Variants in HORMAD1 observed in about 807,000 individuals in gnomAD.
The protein encoded by HORMAD1 is HORMA domain containing 1, also known as HORMA domain-containing protein 1.
In HORMAD1, 33 loss-of-function variants were observed where a neutral mutation model predicts 58.2. That is an observed-to-expected ratio of 0.57 (90% CI 0.43 to 0.76). The LOEUF (loss-of-function observed/expected upper bound fraction) is 0.76, where lower values mean the gene tolerates loss of function less well. Ranked by LOEUF, HORMAD1 falls within the 30% of genes least tolerant of loss-of-function variation. HORMAD1 has a pLI of 0.00. For missense variants in HORMAD1, 363 were observed against 462.0 expected (o/e 0.79, Z 1.96); for synonymous variants, 137 against 144.6 (o/e 0.95, Z 0.38).
At position 150,703,334 on chromosome 1, in the gene HORMAD1, ACTT is replaced by A. The variant is rs751516515; in HGVS notation, c.1005_1007del (p.Arg335del). On this transcript the variant is annotated inframe_deletion, in exon 13 of 15. Coordinates refer to ENST00000361824, the MANE Select transcript of HORMAD1 (RefSeq NM_032132.5). ...CCATTTTATTCTGAAAGACTTTTCC[ACTT>A]CTTGTTTTGCTTTCAGACATATCAA... 1.9e-5 allele frequency: 30 copies of A among 1,576,116 alleles called. No homozygotes were observed. Among genetic ancestry groups the A allele is most frequent in the Non-Finnish European group, 2.1e-5 (24 of 1,152,614 alleles).
At chr1:150,703,935 A>G (rs964151900) in intron 12 of HORMAD1, among the ~76,000 whole-genome samples, 183 bp downstream of exon 12, 1 of 152,204 alleles carries the variant, frequency 6.6e-6, no homozygotes, top group African/African-American at 2.4e-5. Context: ...AAACAAATCC[A>G]CCAGTAATAT....
chr1:150,701,743 G>C (rs1651543855), intron 13 of HORMAD1: 2 of 152,006 alleles, frequency 1.3e-5, no homozygotes, highest in African/African-American at 2.4e-5. Flanking sequence ...CATACCAAAA[G>C]CTAAAATAAA....
chr1:150,714,751 T>C (rs1652018263), intron 3 of HORMAD1, 73 bp from the exon 4 acceptor site: 1 of 660,792 alleles, frequency 1.5e-6, no homozygotes, highest in Non-Finnish European at 2.5e-6. Flanking sequence ...ATGAAGTTTA[T>C]TTTCTTCTGC....
intron 3 of HORMAD1, among the ~76,000 whole-genome samples, chr1:150,715,419 T>A (rs901040608): frequency 1.3e-5 from 2 of 152,182 alleles, no homozygotes; most frequent in African/African-American, 2.4e-5. Context: ...TATCCTCAGG[T>A]ACCTTAATTG....
At chr1:150,715,563 T>C (rs113061035) in intron 3 of HORMAD1, among the ~76,000 whole-genome samples, 10 of 152,302 alleles carry the variant, frequency 6.6e-5, no homozygotes, top group South Asian at 4.1e-4. Flanking sequence ...TAAGTTATTA[T>C]TGTAGTATAA....
rs1652109049 is a variant in HORMAD1, at chr1:150,717,255, A to G, written c.61T>C (p.Ser21Pro). The part of the protein sequence containing the change: ...MSALVFPNKI[S>P]TEHQSLVLVK... ...AACACCAAAGACTGGTGTTCAGTTG[A>G]TATCTTATTGGGAAATACCAGTGCA... Residue 21 changes from serine to proline, a missense_variant, in exon 3 of 15, where the codon TCA becomes CCA. Physicochemically the swap from Ser to Pro is moderately conservative, Grantham distance 74 (BLOSUM62 -1). Around this residue, in one of 3 missense-constraint regions of HORMAD1, gnomAD observed 128 missense variants for 171.8 expected, o/e 0.74. Transcript: ENST00000361824. The G allele has an allele frequency of 6.3e-7, 1 of 1,583,972 alleles. No individual in the cohort carries two copies. The highest frequency in any genetic ancestry group is 8.6e-7 in the Non-Finnish European group (1 of 1,163,268).
intron 1 of HORMAD1, 137 bp from the exon 2 acceptor site, chr1:150,719,675 G>A (rs1287268673): frequency 4.1e-6 from 2 of 484,164 alleles, no homozygotes; most frequent in East Asian, 3.6e-5. Context: ...CTTCAAAAAC[G>A]TAGAGGTCGA....
Position 150,717,276 on chromosome 1 carries a change from G to C in HORMAD1, c.40C>G (p.Leu14Val), listed in dbSNP as rs745637463. The change falls in exon 3 of 15, where the codon CTG becomes GTG. Residue 14 changes from leucine to valine, a missense_variant. Physicochemically the swap from Leu to Val is conservative, Grantham distance 32. Around this residue, in one of 3 missense-constraint regions of HORMAD1, gnomAD observed 128 missense variants for 171.8 expected, o/e 0.74. Transcript: ENST00000361824. ...AQLQRTPMSA[L>V]VFPNKISTEH... is the part of the protein sequence containing the mutation. ...GTTGATATCTTATTGGGAAATACCA[G>C]TGCACTCTAAAATTCAAGGGAAAGT... 2 of 1,538,794 alleles carry C rather than the reference G, an allele frequency of 1.3e-6. No individual in the cohort carries two copies. Among genetic ancestry groups the C allele is most frequent in the Non-Finnish European group, 1.7e-6 (2 of 1,144,192 alleles).
At position 150,717,281 on chromosome 1, in the gene HORMAD1, C is replaced by T; in HGVS notation, c.35G>A (p.Ser12Asn). 1 of 1,522,734 alleles carries T rather than the reference C, an allele frequency of 6.6e-7. No homozygotes were observed. Among genetic ancestry groups the T allele is most frequent in the South Asian group, 1.3e-5 (1 of 76,358 alleles). 94.3% of individuals were successfully genotyped at this position (1,522,734 alleles called of 1,614,324 possible). A position where few individuals can be genotyped will look rare whatever the true frequency, so the allele number is the denominator to read the frequency against. The change falls in exon 3 of 15, where the codon AGT becomes AAT. Residue 12 changes from serine to asparagine, a missense_variant and splice_region_variant. Ser to Asn is a conservative substitution (Grantham distance 46, BLOSUM62 1). Coordinates refer to ENST00000361824, the MANE Select transcript of HORMAD1 (RefSeq NM_032132.5). ...TATCTTATTGGGAAATACCAGTGCA[C>T]TCTAAAATTCAAGGGAAAGTAGAAC... ...ATAQLQRTPM[S>N]ALVFPNKIST...
At chr1:150,709,751 G>A (rs903610971) in intron 7 of HORMAD1, among the ~76,000 whole-genome samples, 13 of 152,210 alleles carry the variant, frequency 8.5e-5, no homozygotes, top group Non-Finnish European at 1.3e-4. Flanking sequence ...TATAAAACCC[G>A]ATTGTACATT....
chr1:150,720,599 C>T (rs587722347), intron 1 of HORMAD1, among the ~76,000 whole-genome samples: 1 of 152,286 alleles, frequency 6.6e-6, no homozygotes, highest in South Asian at 2.1e-4. Context: ...TTAAATTTAT[C>T]CTGACAAATC....
chr1:150,701,250 T>A (rs1245172456), intron 13 of HORMAD1, among the ~76,000 whole-genome samples: 2 of 152,212 alleles, frequency 1.3e-5, no homozygotes, highest in Non-Finnish European at 2.9e-5. Context: ...TATATCCTAG[T>A]AAAGGTTATT....
chr1:150,700,898 T>C (rs998340134), intron 13 of HORMAD1, among the ~76,000 whole-genome samples: 5 of 152,200 alleles, frequency 3.3e-5, no homozygotes, highest in Non-Finnish European at 7.4e-5. Flanking sequence ...TCGGCTATTG[T>C]GAATAATGCT....
At chr1:150,718,606 T>C (rs1057469622) in intron 2 of HORMAD1, among the ~76,000 whole-genome samples, 2 of 152,136 alleles carry the variant, frequency 1.3e-5, no homozygotes, top group Non-Finnish European at 2.9e-5. Context: ...CAAATGCATA[T>C]TTGTGTCTCG....
rs1195246072 is a variant in HORMAD1 at position 150,710,193 on chromosome 1, GA to G, written c.328-1233del. On this transcript the variant is annotated intron_variant, in intron 7 of 14. Coordinates refer to ENST00000361824, the MANE Select transcript of HORMAD1 (RefSeq NM_032132.5). ...CCGACTAGAAATACCCACAGGTGTGGAGGGGCAGGCCACCCCTTCAGTTATT... is the reference window on the plus strand; with the variant it reads ...CCGACTAGAAATACCCACAGGTGTGGGGGGCAGGCCACCCCTTCAGTTATT... 2.6e-5 allele frequency among the ~76,000 whole-genome samples: 4 copies of G among 152,070 alleles called. 1 individual carries two copies. Among genetic ancestry groups the G allele is most frequent in the South Asian group, 4.1e-4 (2 of 4,822 alleles).
At chr1:150,718,344 ATTTTT>A (rs34258924) in intron 2 of HORMAD1, among the ~76,000 whole-genome samples, 28 of 125,852 alleles carry the variant, frequency 2.2e-4, no homozygotes, top group African/African-American at 7.2e-4. Flanking sequence ...TGCCTGGCTA[ATTTTT>A]TTTTTTTTTT....
chr1:150,717,535 T>C (rs1652121043), intron 2 of HORMAD1, among the ~76,000 whole-genome samples: 1 of 152,068 alleles, frequency 6.6e-6, no homozygotes. Flanking sequence ...TTAAAAAAAT[T>C]GAGACAGGAT....
At chr1:150,700,344 C>T (rs587625329) in intron 13 of HORMAD1, among the ~76,000 whole-genome samples, 161 bp from the exon 14 acceptor site, 1 of 152,260 alleles carries the variant, frequency 6.6e-6, no homozygotes, top group South Asian at 2.1e-4. Flanking sequence ...GTGGCACCAT[C>T]ATGGCTCACT....
chr1:150,711,631 G>T (rs587602164), intron 6 of HORMAD1, 60 bp from the exon 7 acceptor site: 1 of 1,317,018 alleles, frequency 7.6e-7, no homozygotes, highest in African/African-American at 1.5e-5. Flanking sequence ...AACTAAATTA[G>T]ATGTTTAGAC....
Sources: allele counts gnomAD v4.1 joint callset (sites outside exome capture counted in the v4.1 genomes callset), GRCh38; gene constraint gnomAD v4.1.1; regional missense constraint gnomAD v4.1.1; transcripts MANE v1.5; gene names NCBI Gene and HGNC (gene_info 2026-07-23, HGNC 2026-07-21).